CORO2B: variants seen among roughly 807,000 people sequenced by gnomAD.
CORO2B encodes coronin 2B, also known as coronin-2B.
In CORO2B, 26 loss-of-function variants were observed where a neutral mutation model predicts 58.8. The ratio of observed to expected loss-of-function variants is 0.44; its 90% confidence interval spans 0.32 to 0.61. CORO2B has a LOEUF of 0.61. Among genes scored for constraint, CORO2B ranks in the 20% least tolerant of loss-of-function variants. The pLI is 0.04. For missense variants in CORO2B, 460 were observed against 645.1 expected (o/e 0.71, Z 3.11); for synonymous variants, 242 against 253.8 (o/e 0.95, Z 0.44).
At chr15:68,651,126 G>C (rs1901626360) in intron 2 of CORO2B, among the ~76,000 whole-genome samples, 1 of 152,194 alleles carries the variant, frequency 6.6e-6, no homozygotes, top group African/African-American at 2.4e-5. Context: ...GATCTGCGAG[G>C]CTCAAGTAAG....
chr15:68,572,078 G>C, the CORO2B span, among the ~76,000 whole-genome samples: 1 of 152,306 alleles, frequency 6.6e-6, no homozygotes, highest in East Asian at 1.9e-4. Flanking sequence ...ATCTGGGAAG[G>C]GGCTGTGGGC....
chr15:68,581,692 T>C (rs1899429746), intron 1 of CORO2B, among the ~76,000 whole-genome samples: 1 of 152,106 alleles, frequency 6.6e-6, no homozygotes, highest in African/African-American at 2.4e-5. Context: ...AGACTCTTTG[T>C]TCTCTGAGGG....
At chr15:68,693,311 T>C (rs1357986111) in intron 2 of CORO2B, among the ~76,000 whole-genome samples, 2 of 152,172 alleles carry the variant, frequency 1.3e-5, no homozygotes, top group Non-Finnish European at 2.9e-5. Context: ...GGACACATAC[T>C]CTGAAATAAC....
intron 1 of CORO2B, chr15:68,632,219 C>G (rs905925116): frequency 1.0e-6 from 1 of 985,408 alleles, no homozygotes; most frequent in African/African-American, 1.7e-5. Context: ...ATCCACACGG[C>G]CCATCTGTGC....
At chr15:68,686,131 G>A (rs117760481) in intron 2 of CORO2B, among the ~76,000 whole-genome samples, 4,756 of 144,308 alleles carry the variant, frequency 0.033, 108 homozygotes, top group Middle Eastern at 0.056. Flanking sequence ...TTCACCTCCC[G>A]AGTCAAGTGA....
chr15:68,611,050 A>T (rs193054608), intron 1 of CORO2B, among the ~76,000 whole-genome samples: 1 of 152,342 alleles, frequency 6.6e-6, no homozygotes, highest in Non-Finnish European at 1.5e-5. Flanking sequence ...AGCTAAGCTA[A>T]TCCAACCTCA....
chr15:68,567,014 G>A, the CORO2B span, among the ~76,000 whole-genome samples: 1 of 152,198 alleles, frequency 6.6e-6, no homozygotes, highest in African/African-American at 2.4e-5. Context: ...TCTGTTCTCT[G>A]GGTTCTGTGC....
the CORO2B span, among the ~76,000 whole-genome samples, chr15:68,530,076 G>A: frequency 4.6e-5 from 7 of 152,136 alleles, no homozygotes; most frequent in African/African-American, 9.7e-5. Context: ...TGTAATCCCC[G>A]CACTTTGGGA....
chr15:68,580,592 G>C (rs555224840), intron 1 of CORO2B, among the ~76,000 whole-genome samples: 1 of 152,276 alleles, frequency 6.6e-6, no homozygotes, highest in East Asian at 1.9e-4. Flanking sequence ...TGAACTTGAG[G>C]GTGCAGGGGC....
intron 1 of CORO2B, among the ~76,000 whole-genome samples, chr15:68,580,513 GAT>G (rs1899402569): frequency 1.3e-5 from 2 of 152,286 alleles, no homozygotes; most frequent in Non-Finnish European, 2.9e-5. Flanking sequence ...TGTTTGTGCG[GAT>G]TCTTGGGCCC....
Position 68,718,779 on chromosome 15 carries a change from T to C in CORO2B, c.1049T>C (p.Ile350Thr). Residue 350 changes from isoleucine to threonine, a missense_variant, in exon 9 of 12, where the codon ATC (isoleucine) becomes ACC (threonine). By Grantham distance (89) the Ile-to-Thr change is moderately conservative. Coordinates refer to ENST00000261861, the MANE Select transcript of CORO2B (RefSeq NM_006091.5). ...FYKLVTLKGLIEPISMIVPRR... is the reference protein window; with the variant it reads ...FYKLVTLKGLTEPISMIVPRR... ...AAGCTGGTGACTCTCAAGGGCCTGA[T>C]CGAGCCCATCTCCATGATCGTGCCC... The C allele has an allele frequency of 6.2e-7, 1 of 1,614,134 alleles. No individual in the cohort carries two copies. The highest frequency in any genetic ancestry group is 8.5e-7 in the Non-Finnish European group (1 of 1,180,008).
At chr15:68,537,981 C>A in the CORO2B span, among the ~76,000 whole-genome samples, 1 of 152,104 alleles carries the variant, frequency 6.6e-6, no homozygotes, top group Non-Finnish European at 1.5e-5. Flanking sequence ...TGGTGTGTGG[C>A]GGGGAGCCTT....
chr15:68,600,567 C>T (rs958629763), intron 1 of CORO2B, among the ~76,000 whole-genome samples: 17 of 152,192 alleles, frequency 1.1e-4, no homozygotes, highest in African/African-American at 3.6e-4. Flanking sequence ...GTCCCACCCC[C>T]GGACCCAGGC....
Position 68,579,065 on chromosome 15 carries a change from A to G in CORO2B, c.-198A>G, listed in dbSNP as rs1276177587. ...TGCACATTCGGGGCTGACATCAGCG[A>G]CGAGCGGCGGGCGAGCGCCGACGAG... On this transcript the variant is annotated 5_prime_UTR_variant, in exon 1 of 12. Coordinates refer to ENST00000261861, the MANE Select transcript of CORO2B (RefSeq NM_006091.5). 1 of 983,662 alleles carries G rather than the reference A, an allele frequency of 1.0e-6. No individual in the cohort carries two copies. Among genetic ancestry groups the G allele is most frequent in the East Asian group, 1.1e-4 (1 of 8,712 alleles). 60.9% of individuals were successfully genotyped at this position (983,662 alleles called of 1,614,324 possible).
At chr15:68,550,780 G>C in the CORO2B span, among the ~76,000 whole-genome samples, 1 of 152,228 alleles carries the variant, frequency 6.6e-6, no homozygotes, top group African/African-American at 2.4e-5. Context: ...ACACATCTGA[G>C]ATGCAGGCGG....
At chr15:68,671,167 AC>A (rs1182669713) in intron 2 of CORO2B, among the ~76,000 whole-genome samples, 1 of 152,188 alleles carries the variant, frequency 6.6e-6, no homozygotes, top group African/African-American at 2.4e-5. Context: ...AGGAACCACA[AC>A]CACTCTCTCC....
chr15:68,579,251 C>G lies in CORO2B; in HGVS notation c.-12C>G. On this transcript the variant is annotated 5_prime_UTR_variant, in exon 1 of 12. Coordinates refer to ENST00000261861, the MANE Select transcript of CORO2B (RefSeq NM_006091.5). ...CCGCGCCCGCGCCCCCGCTCCGCCG[C>G]GGAGTTTCTGCATGACTGTCACAAA... is the stretch of plus-strand genomic sequence containing the variant. 8.2e-7 allele frequency: 1 copy of G among 1,215,260 alleles called. No homozygotes were observed. The highest frequency in any genetic ancestry group is 1.0e-6 in the Non-Finnish European group (1 of 972,440). 75.3% of individuals were successfully genotyped at this position (1,215,260 alleles called of 1,614,324 possible).
chr15:68,564,287 T>A, the CORO2B span, among the ~76,000 whole-genome samples: 1 of 152,084 alleles, frequency 6.6e-6, no homozygotes, highest in Non-Finnish European at 1.5e-5. Context: ...GCTTGGAGAA[T>A]AATTTCATAG....
chr15:68,659,646 A>G (rs758376176), intron 2 of CORO2B, among the ~76,000 whole-genome samples: 9 of 151,996 alleles, frequency 5.9e-5, no homozygotes, highest in Non-Finnish European at 1.2e-4. Flanking sequence ...ATAAAAGTCT[A>G]TCCTCGGCCA....
Sources: gnomAD v4.1 joint callset for allele counts (sites outside exome capture counted in the v4.1 genomes callset) on GRCh38, gnomAD v4.1.1 for gene constraint, MANE v1.5 for transcripts, NCBI Gene and HGNC (gene_info 2026-07-23, HGNC 2026-07-21) for gene names.